Variants in IGSF21 observed in about 807,000 individuals in gnomAD.
IGSF21 encodes the protein immunoglobin superfamily member 21.
IGSF21 carries 28 observed loss-of-function variants against 46.8 expected under a neutral mutation model. The ratio of observed to expected loss-of-function variants is 0.60; its 90% CI spans 0.44 to 0.82. The LOEUF (loss-of-function observed/expected upper bound fraction) is 0.82, where lower values mean the gene tolerates loss of function less well. IGSF21 is among the 40% of genes least tolerant of loss of function. The pLI, the probability that IGSF21 is intolerant of heterozygous loss-of-function variation, is 0.00. For synonymous variants in IGSF21, 284 were observed against 273.6 expected (o/e 1.04, Z -0.38); for missense variants, 624 against 665.5 (o/e 0.94, Z 0.69).
At chr1:18,351,156 C>T (rs1309968664) in intron 4 of IGSF21, among the ~76,000 whole-genome samples, 1 of 152,094 alleles carries the variant, frequency 6.6e-6, no homozygotes, top group African/African-American at 2.4e-5. Flanking sequence ...AATCTTCAGC[C>T]CCCTGACTCT....
At chr1:18,304,144 C>T (rs994582262) in intron 3 of IGSF21, among the ~76,000 whole-genome samples, 6 of 152,172 alleles carry the variant, frequency 3.9e-5, no homozygotes, top group Non-Finnish European at 8.8e-5. Flanking sequence ...AGAAGTTAAA[C>T]GTGGCCCCTA....
chr1:18,211,966 G>A (rs888777221), intron 1 of IGSF21, among the ~76,000 whole-genome samples: 2 of 152,192 alleles, frequency 1.3e-5, no homozygotes, highest in African/African-American at 2.4e-5. Flanking sequence ...CGCTCCTGAG[G>A]CCCATGTGGA....
chr1:18,355,820 G>A (rs1013536877), intron 4 of IGSF21, among the ~76,000 whole-genome samples: 2 of 140,076 alleles, frequency 1.4e-5, no homozygotes, highest in Admixed American at 1.5e-4. Context: ...CTCTGCCCAT[G>A]TCTAGACTCT....
intron 3 of IGSF21, among the ~76,000 whole-genome samples, chr1:18,318,372 T>C (rs968453857): frequency 6.6e-6 from 1 of 152,224 alleles, no homozygotes; most frequent in African/African-American, 2.4e-5. Context: ...TTGATTGTGA[T>C]GCATCCATTA....
chr1:18,372,874 A>G (rs866781875), intron 6 of IGSF21, among the ~76,000 whole-genome samples: 7 of 141,144 alleles, frequency 5.0e-5, no homozygotes, highest in East Asian at 4.2e-4. Flanking sequence ...GGGTGGATGG[A>G]TGGATGGATG....
chr1:18,235,213 T>A (rs934860638), intron 2 of IGSF21, among the ~76,000 whole-genome samples: 1 of 152,212 alleles, frequency 6.6e-6, no homozygotes, highest in Admixed American at 6.5e-5. Context: ...CCACGGAGCA[T>A]GTCATGGCGT....
intron 1 of IGSF21, among the ~76,000 whole-genome samples, chr1:18,167,542 C>A (rs2086691412): frequency 6.6e-6 from 1 of 152,100 alleles, no homozygotes; most frequent in Non-Finnish European, 1.5e-5. Context: ...TGTGGAAAGG[C>A]TTAGTGCCCT....
chr1:18,294,811 G>A (rs1217436204), intron 3 of IGSF21, among the ~76,000 whole-genome samples: 2 of 152,252 alleles, frequency 1.3e-5, no homozygotes, highest in African/African-American at 2.4e-5. Flanking sequence ...ACGGGATCAC[G>A]GAGGATTGTC....
At chr1:18,122,029 G>A (rs886468017) in intron 1 of IGSF21, among the ~76,000 whole-genome samples, 3 of 152,146 alleles carry the variant, frequency 2.0e-5, no homozygotes, top group Non-Finnish European at 2.9e-5. Flanking sequence ...TTGCCTGGGC[G>A]GTAGGGGTAC....
At chr1:18,200,095 G>A (rs1434204059) in intron 1 of IGSF21, among the ~76,000 whole-genome samples, 1 of 152,202 alleles carries the variant, frequency 6.6e-6, no homozygotes, top group Non-Finnish European at 1.5e-5. Flanking sequence ...TTGTGGGACA[G>A]TGGGAAGGCT....
chr1:18,372,843 TGG>T (rs2086241562), intron 6 of IGSF21, among the ~76,000 whole-genome samples: 1 of 93,634 alleles, frequency 1.1e-5, no homozygotes, highest in African/African-American at 5.0e-5. Context: ...GATGGATGGA[TGG>T]ATGGATGGAT....
intron 1 of IGSF21, among the ~76,000 whole-genome samples, chr1:18,127,549 G>A (rs962938861): frequency 2.0e-5 from 3 of 152,170 alleles, no homozygotes; most frequent in Non-Finnish European, 4.4e-5. Flanking sequence ...TGAGCCACCT[G>A]CTAGATGGGT....
chr1:18,181,191 G>A (rs774738468), intron 1 of IGSF21, among the ~76,000 whole-genome samples: 9 of 152,164 alleles, frequency 5.9e-5, no homozygotes, highest in Admixed American at 1.3e-4. Flanking sequence ...GTCGTGCGGC[G>A]GATGTGTTCT....
chr1:18,188,000 C>T (rs1398100956), intron 1 of IGSF21, among the ~76,000 whole-genome samples: 1 of 152,106 alleles, frequency 6.6e-6, no homozygotes, highest in African/African-American at 2.4e-5. Flanking sequence ...ATCTGGAGGT[C>T]CCCCCTAGAT....
chr1:18,212,212 C>T (rs1217459460), intron 1 of IGSF21, among the ~76,000 whole-genome samples: 5 of 152,244 alleles, frequency 3.3e-5, no homozygotes, highest in African/African-American at 1.2e-4. Flanking sequence ...CCTTGCCAGC[C>T]TTAAGAAGTA....
chr1:18,269,309 A>G (rs1323343901), intron 2 of IGSF21, among the ~76,000 whole-genome samples: 1 of 152,002 alleles, frequency 6.6e-6, no homozygotes, highest in African/African-American at 2.4e-5. Flanking sequence ...TTTGCCTGAG[A>G]CTTTAGGGTG....
At position 18,378,311 on chromosome 1, in the gene IGSF21, T is replaced by C; in HGVS notation, c.1389T>C (p.Ile463=). Residue 463 remains isoleucine, a synonymous_variant, in exon 10 of 10, where the codon ATT becomes ATC. Coordinates refer to ENST00000251296, the MANE Select transcript of IGSF21 (RefSeq NM_032880.5). ...RLTLVLALTV[I]LELT Reference sequence around the variant, plus strand: ...CCTTGGTGCTCGCCCTGACAGTGATTCTGGAGCTGACGTGAAGGCACCCGC... The same window carrying C: ...CCTTGGTGCTCGCCCTGACAGTGATCCTGGAGCTGACGTGAAGGCACCCGC... 1 of 1,613,890 alleles carries C rather than the reference T, an allele frequency of 6.2e-7. No individual in the cohort carries two copies.
intron 1 of IGSF21, among the ~76,000 whole-genome samples, chr1:18,194,002 C>G (rs558317847): frequency 6.6e-6 from 1 of 152,212 alleles, no homozygotes; most frequent in South Asian, 2.1e-4. Context: ...AGCCCTGTGA[C>G]CTGGAGATTC....
chr1:18,221,011 G>A (rs906521468), intron 1 of IGSF21, among the ~76,000 whole-genome samples: 5 of 152,124 alleles, frequency 3.3e-5, no homozygotes, highest in African/African-American at 9.7e-5. Context: ...TTAGAGAAAT[G>A]ATCAGGGACC....
Sources: gnomAD v4.1 joint callset for allele counts (sites outside exome capture counted in the v4.1 genomes callset) on GRCh38, gnomAD v4.1.1 for gene constraint, MANE v1.5 for transcripts, NCBI Gene and HGNC (gene_info 2026-07-23, HGNC 2026-07-21) for gene names.